The following CSMD3 variants were observed in gnomAD, a reference collection of about 807,000 sequenced individuals.
The protein encoded by CSMD3 is CUB and Sushi multiple domains 3.
In CSMD3, 177 loss-of-function variants were observed where a neutral mutation model predicts 435.2. The ratio of observed to expected loss-of-function variants is 0.41; its 90% confidence interval spans 0.36 to 0.46. The LOEUF (loss-of-function observed/expected upper bound fraction) is 0.46, where lower values mean the gene tolerates loss of function less well. Among genes scored for constraint, CSMD3 ranks in the 20% least tolerant of loss-of-function variants. CSMD3 has a pLI of 0.34. For synonymous variants in CSMD3, 1,656 were observed against 1,520.5 expected (o/e 1.09, Z -2.07); for missense variants, 4,265 against 4,504.6 (o/e 0.95, Z 1.52).
rs187711019 is a variant in CSMD3, at chr8:113,268,111, C to T, written c.514+10481G>A. Among the ~76,000 whole-genome samples the T allele has an allele frequency of 7.0e-3, 1,059 of 151,726 alleles. 3 individuals carry two copies. The highest frequency in any genetic ancestry group is 0.034 in the Middle Eastern group (10 of 294). ...ATACTCTTTCACCTATAAAAAGTGA[C>T]TATGCATCTGTCAAAGAAAAGTTTA... On this transcript the variant is annotated intron_variant, in intron 3 of 70. Transcript: ENST00000297405.
intron 1 of CSMD3, among the ~76,000 whole-genome samples, chr8:113,394,559 T>G (rs1181492776): frequency 6.6e-6 from 1 of 152,146 alleles, no homozygotes; most frequent in Non-Finnish European, 1.5e-5. Context: ...ATTTCTAAAT[T>G]TTCATGAAAA....
At chr8:112,669,557 C>A (rs901043850) in intron 16 of CSMD3, among the ~76,000 whole-genome samples, 4 of 151,868 alleles carry the variant, frequency 2.6e-5, no homozygotes, top group Non-Finnish European at 5.9e-5. Context: ...TACTACACTT[C>A]AAAAAGGATT....
intron 1 of CSMD3, among the ~76,000 whole-genome samples, chr8:113,389,071 T>C (rs928748324): frequency 6.6e-6 from 1 of 151,612 alleles, no homozygotes; most frequent in African/African-American, 2.4e-5. Flanking sequence ...AAGTTTTTAA[T>C]AAAATATAAA....
chr8:112,415,117 C>T lies in CSMD3; in HGVS notation c.5396-6085G>A, dbSNP rs558704886. On this transcript the variant is annotated intron_variant, in intron 32 of 70. Coordinates refer to ENST00000297405, the MANE Select transcript of CSMD3 (RefSeq NM_198123.2). Reference sequence around the variant, plus strand: ...ATCCCCAGGACAATAGGGAAAATGTCTCCAGAGCATGTCAGAGACCTTCAT... The same window carrying T: ...ATCCCCAGGACAATAGGGAAAATGTTTCCAGAGCATGTCAGAGACCTTCAT... Among the ~76,000 whole-genome samples, 28 of 152,320 alleles carry T rather than the reference C, an allele frequency of 1.8e-4. No individual in the cohort carries two copies. In the South Asian group the frequency reaches 5.6e-3, roughly 30 times the overall value.
At chr8:112,756,616 T>C (rs2077704971) in intron 13 of CSMD3, among the ~76,000 whole-genome samples, 1 of 152,142 alleles carries the variant, frequency 6.6e-6, no homozygotes, top group South Asian at 2.1e-4. Context: ...AAACAATCAG[T>C]TAATAAAATC....
chr8:113,368,381 A>T (rs1213981888), intron 1 of CSMD3, among the ~76,000 whole-genome samples: 1 of 152,136 alleles, frequency 6.6e-6, no homozygotes, highest in South Asian at 2.1e-4. Context: ...TAGACTTATC[A>T]CTGGTCTTCA....
At chr8:113,197,604 T>C (rs2132014882) in intron 3 of CSMD3, among the ~76,000 whole-genome samples, 1 of 151,428 alleles carries the variant, frequency 6.6e-6, no homozygotes, top group African/African-American at 2.4e-5. Flanking sequence ...AGAAAAACTT[T>C]ATAATAAATT....
At chr8:112,838,500 G>A (rs1326466008) in intron 11 of CSMD3, among the ~76,000 whole-genome samples, 1 of 151,732 alleles carries the variant, frequency 6.6e-6, no homozygotes, top group Non-Finnish European at 1.5e-5. Context: ...TGGAAGTAGG[G>A]ATGGAGAAGA....
chr8:113,085,831 T>C (rs890329455), intron 5 of CSMD3, among the ~76,000 whole-genome samples: 2 of 152,164 alleles, frequency 1.3e-5, no homozygotes, highest in Admixed American at 6.5e-5. Flanking sequence ...TTACATCTAC[T>C]TCCCAGAAAT....
intron 6 of CSMD3, among the ~76,000 whole-genome samples, chr8:113,017,227 G>T (rs1803669151): frequency 6.6e-6 from 1 of 151,834 alleles, no homozygotes; most frequent in South Asian, 2.1e-4. Context: ...AACGCATAAT[G>T]CTTGAAAACC....
chr8:113,206,993 G>A (rs2092778097), intron 3 of CSMD3, among the ~76,000 whole-genome samples: 1 of 152,058 alleles, frequency 6.6e-6, no homozygotes, highest in Admixed American at 6.6e-5. Context: ...ATCTAGTTGG[G>A]CACGGTAAAA....
intron 13 of CSMD3, among the ~76,000 whole-genome samples, chr8:112,794,941 C>A (rs1386381320): frequency 6.6e-6 from 1 of 151,476 alleles, no homozygotes; most frequent in East Asian, 1.9e-4. Context: ...TATAAGTGAC[C>A]AGCATTAATT....
At chr8:113,132,471 A>G (rs2091308441) in intron 4 of CSMD3, among the ~76,000 whole-genome samples, 1 of 148,996 alleles carries the variant, frequency 6.7e-6, no homozygotes, top group Middle Eastern at 3.3e-3. Context: ...GATGATTTAA[A>G]AGTGTGTGGC....
chr8:113,269,013 C>T lies in CSMD3; in HGVS notation c.514+9579G>A, dbSNP rs552673124. On this transcript the variant is annotated intron_variant, in intron 3 of 70. Transcript: ENST00000297405. ...TTTAGTCCTTTTACTACAATTAATG[C>T]TGGAATCCAAGATAATTGCAAAATA... 9.9e-5 allele frequency among the ~76,000 whole-genome samples: 15 copies of T among 152,154 alleles called. No homozygotes were observed. The South Asian group carries it at 3.1e-3, about 32-fold the overall frequency.
chr8:113,143,195 A>C (rs1378575630), intron 4 of CSMD3, among the ~76,000 whole-genome samples: 1 of 151,476 alleles, frequency 6.6e-6, no homozygotes, highest in Admixed American at 6.6e-5. Flanking sequence ...GGATATACAA[A>C]TGGCAAATAA....
At chr8:113,372,945 A>AC (rs1222863294) in intron 1 of CSMD3, among the ~76,000 whole-genome samples, 1 of 151,650 alleles carries the variant, frequency 6.6e-6, no homozygotes, top group Non-Finnish European at 1.5e-5. Flanking sequence ...CGTCTCAAAA[A>AC]AAAAAAAAAA....
intron 5 of CSMD3, among the ~76,000 whole-genome samples, chr8:113,024,867 T>C (rs1469669071): frequency 6.6e-6 from 1 of 152,132 alleles, no homozygotes; most frequent in Non-Finnish European, 1.5e-5. Context: ...TTTCTCATCA[T>C]CCACCCCTCT....
intron 2 of CSMD3, among the ~76,000 whole-genome samples, chr8:113,288,486 T>C (rs1360938340): frequency 6.6e-6 from 1 of 151,904 alleles, no homozygotes; most frequent in Admixed American, 6.6e-5. Context: ...ATGCTACAAA[T>C]ACTTCAAACC....
intron 13 of CSMD3, among the ~76,000 whole-genome samples, chr8:112,698,690 G>A (rs539927696): frequency 2.4e-4 from 37 of 152,124 alleles, no homozygotes; most frequent in Non-Finnish European, 4.3e-4. Flanking sequence ...TAATGGCAGA[G>A]TACAACACAT....
Sources: allele counts gnomAD v4.1 joint callset (sites outside exome capture counted in the v4.1 genomes callset), GRCh38; gene constraint gnomAD v4.1.1; transcripts MANE v1.5; gene names NCBI Gene and HGNC (gene_info 2026-07-23, HGNC 2026-07-21).